Variants in FBXW11 observed in about 807,000 individuals in gnomAD.
FBXW11 encodes the protein F-box and WD repeat domain containing 11.
A neutral mutation model predicts 77.6 loss-of-function variants in FBXW11; 19 were observed. The ratio of observed to expected loss-of-function variants is 0.24; its 90% CI spans 0.17 to 0.36. The LOEUF is 0.36. FBXW11 is among the 10% of genes least tolerant of loss of function. The pLI is 1.00. For missense variants in FBXW11, 334 were observed against 704.2 expected (o/e 0.47, Z 5.95); for synonymous variants, 235 against 249.4 (o/e 0.94, Z 0.54).
rs1397457940 is a variant in FBXW11, at chr5:171,912,839, G to A, written c.210+1504C>T. ...GCAGGAGAAATGCTTGAACCTGGGA[G>A]GCGGAGGGTGCAGTGAGCTGAGATT... On this transcript the variant is annotated intron_variant, in intron 3 of 13. Transcript: ENST00000517395. Among the ~76,000 whole-genome samples, 3 of 152,082 alleles carry A rather than the reference G, an allele frequency of 2.0e-5. No homozygotes were observed. The South Asian group carries it at 6.2e-4, about 32-fold the overall frequency.
At chr5:171,961,556 T>C (rs569052067) in intron 1 of FBXW11, among the ~76,000 whole-genome samples, 75 of 152,338 alleles carry the variant, frequency 4.9e-4, no homozygotes, top group African/African-American at 1.7e-3. Flanking sequence ...CAGGAGGACA[T>C]TGATCCAATT....
intron 2 of FBXW11, among the ~76,000 whole-genome samples, chr5:171,945,652 T>C (rs1762969255): frequency 1.3e-5 from 2 of 152,234 alleles, no homozygotes; most frequent in South Asian, 4.1e-4. Flanking sequence ...CTAATGGTTC[T>C]CTGCGAAGCA....
At chr5:171,969,849 G>A (rs1201949706) in intron 1 of FBXW11, among the ~76,000 whole-genome samples, 1 of 152,112 alleles carries the variant, frequency 6.6e-6, no homozygotes, top group Non-Finnish European at 1.5e-5. Flanking sequence ...GATTACAGGT[G>A]TGCACCACCA....
At chr5:171,996,250 T>C (rs111914209) in intron 1 of FBXW11, among the ~76,000 whole-genome samples, 3,222 of 152,312 alleles carry the variant, frequency 0.021, 120 homozygotes, top group African/African-American at 0.073. Context: ...ATATAAATCA[T>C]GTGAGAATGC....
chr5:171,909,667 C>A (rs904253181), intron 4 of FBXW11, among the ~76,000 whole-genome samples: 29 of 151,978 alleles, frequency 1.9e-4, no homozygotes, highest in Non-Finnish European at 2.9e-4. Flanking sequence ...TTTTAAAAAT[C>A]AAAGTAAATT....
At position 171,976,658 on chromosome 5, in the gene FBXW11, C is replaced by T. The variant is rs1594662; in HGVS notation, c.46-18960G>A. Among the ~76,000 whole-genome samples, 1,420 of 152,240 alleles carry T rather than the reference C, an allele frequency of 9.3e-3. 26 individuals are homozygous for T. Among genetic ancestry groups the T allele is most frequent in the African/African-American group, 0.033 (1,352 of 41,554 alleles). ...CTATCAAGCAAAGCTCTCTCACGCC[C>T]TTCCATCTTCTGCTGGGATAATGCA... is the stretch of plus-strand genomic sequence containing the variant. On this transcript the variant is annotated intron_variant, in intron 1 of 13. Coordinates refer to ENST00000517395, the MANE Select transcript of FBXW11 (RefSeq NM_001378974.1).
intron 7 of FBXW11, among the ~76,000 whole-genome samples, chr5:171,889,978 G>T (rs1324010829): frequency 6.6e-6 from 1 of 151,946 alleles, no homozygotes; most frequent in Non-Finnish European, 1.5e-5. Context: ...AGCAAAGGAC[G>T]TATCTAGACT....
At chr5:171,935,658 C>T (rs10040841) in intron 2 of FBXW11, among the ~76,000 whole-genome samples, 120,292 of 151,956 alleles carry the variant, frequency 0.79, 51,249 homozygotes, top group East Asian at 0.97. Context: ...TGGCATCAAA[C>T]TTCTCGAAAC....
chr5:172,006,628 G>A lies in FBXW11; in HGVS notation c.-126C>T. The A allele has an allele frequency of 3.1e-6, 4 of 1,299,524 alleles. No homozygotes were observed. The highest frequency in any genetic ancestry group is 2.2e-5 in the South Asian group (1 of 45,252). 80.5% of individuals were successfully genotyped at this position (1,299,524 alleles called of 1,614,324 possible). On this transcript the variant is annotated 5_prime_UTR_variant, in exon 1 of 14. Coordinates refer to ENST00000517395, the MANE Select transcript of FBXW11 (RefSeq NM_001378974.1). ...ACCCACTCTAGCTGCCAGCCCGCCC[G>A]GGCCGCCGGCAGCTCCGCCCTCCCC... is the stretch of plus-strand genomic sequence containing the variant.
intron 1 of FBXW11, among the ~76,000 whole-genome samples, chr5:172,005,589 C>G (rs970138535): frequency 6.6e-6 from 1 of 152,232 alleles, no homozygotes; most frequent in African/African-American, 2.4e-5. Flanking sequence ...GGAGTCTGGC[C>G]TGGCTGCCAG....
Position 171,932,588 on chromosome 5 carries a change from TTG to T in FBXW11, c.148-18185_148-18184del, listed in dbSNP as rs781529875. On this transcript the variant is annotated intron_variant, in intron 2 of 13. Transcript: ENST00000517395. ...CCCATCACCAAAGTACAACACATTT[TTG>T]TAACTATATTCACCCTACTCTGGTG... Among the ~76,000 whole-genome samples the T allele has an allele frequency of 3.3e-5, 5 of 152,290 alleles. No individual in the cohort carries two copies. In the East Asian group the frequency reaches 5.8e-4, roughly 18 times the overall value.
At chr5:171,901,280 A>T (rs890050884) in intron 4 of FBXW11, among the ~76,000 whole-genome samples, 5 of 152,224 alleles carry the variant, frequency 3.3e-5, no homozygotes, top group Admixed American at 2.6e-4. Flanking sequence ...AAATAATTAG[A>T]AGTAGTATAA....
intron 1 of FBXW11, among the ~76,000 whole-genome samples, chr5:171,967,317 AAT>A (rs1038304163): frequency 2.0e-5 from 3 of 152,240 alleles, no homozygotes; most frequent in Admixed American, 6.5e-5. Context: ...GCAAAGGGAA[AAT>A]GCTAACCAAA....
intron 1 of FBXW11, among the ~76,000 whole-genome samples, chr5:171,998,517 C>T (rs1766207876): frequency 1.3e-5 from 2 of 151,482 alleles, no homozygotes; most frequent in Non-Finnish European, 2.9e-5. Context: ...ACATTATAGG[C>T]TGGGCTCGAT....
intron 2 of FBXW11, among the ~76,000 whole-genome samples, chr5:171,940,593 A>G (rs1762700471): frequency 6.6e-6 from 1 of 152,194 alleles, no homozygotes; most frequent in Non-Finnish European, 1.5e-5. Context: ...AGAACAGATC[A>G]AAAGGATACA....
chr5:171,909,686 TGTG>T (rs1049474075), intron 4 of FBXW11, among the ~76,000 whole-genome samples: 3 of 135,868 alleles, frequency 2.2e-5, no homozygotes, highest in Admixed American at 1.6e-4. Flanking sequence ...TTTAACCAGA[TGTG>T]TGTGTGTGTG....
rs1304502069 is a variant in FBXW11, at chr5:171,967,867, TATATATATATATATATAC to T, written c.46-10187_46-10170del. On this transcript the variant is annotated intron_variant, in intron 1 of 13. Coordinates refer to ENST00000517395, the MANE Select transcript of FBXW11 (RefSeq NM_001378974.1). ...AAAAAAAAAAATGCATATATATATATATATATATATATATATACACACACACACACACACACACACACA... is the reference window on the plus strand; with the variant it reads ...AAAAAAAAAAATGCATATATATATATACACACACACACACACACACACACA... 7.8e-4 allele frequency among the ~76,000 whole-genome samples: 20 copies of T among 25,692 alleles called. 1 individual carries two copies. The East Asian group carries it at 0.04, about 51-fold the overall frequency. The allele number at this position is 25,692 out of a possible 152,430, so 16.9% of individuals were successfully genotyped here.
At chr5:171,873,865 C>T (rs1212722595) in intron 9 of FBXW11, among the ~76,000 whole-genome samples, 1 of 152,160 alleles carries the variant, frequency 6.6e-6, no homozygotes, top group Non-Finnish European at 1.5e-5. Flanking sequence ...ATCTTACCAG[C>T]TGCATTTGTA....
chr5:171,919,762 T>C (rs1203995413), intron 2 of FBXW11, among the ~76,000 whole-genome samples: 5 of 152,228 alleles, frequency 3.3e-5, no homozygotes, highest in Admixed American at 2.6e-4. Context: ...CTAGACTCTG[T>C]AAGACACTAC....
Sources: allele counts gnomAD v4.1 joint callset (sites outside exome capture counted in the v4.1 genomes callset), GRCh38; gene constraint gnomAD v4.1.1; transcripts MANE v1.5; gene names NCBI Gene and HGNC (gene_info 2026-07-23, HGNC 2026-07-21).